Variants in THADA observed in about 807,000 individuals in gnomAD.
THADA encodes the protein THADA armadillo repeat containing.
A neutral mutation model predicts 219.8 loss-of-function variants in THADA; 213 were observed. The ratio of observed to expected loss-of-function variants is 0.97; its 90% CI spans 0.87 to 1.09. The LOEUF (loss-of-function observed/expected upper bound fraction) is 1.09, where lower values mean the gene tolerates loss of function less well. Ranked by LOEUF, THADA falls within the 50% of genes least tolerant of loss-of-function variation. The pLI is 0.00. For missense variants in THADA, 2,956 were observed against 2,311.3 expected, an observed-to-expected ratio of 1.28 and a Z score of -5.72; for synonymous variants, 1,018 against 828.9, an observed-to-expected ratio of 1.23 and a Z score of -3.92.
intron 9 of THADA, 141 bp downstream of exon 9, chr2:43,578,372 C>T: frequency 2.1e-6 from 1 of 480,736 alleles, no homozygotes; most frequent in Non-Finnish European, 3.8e-6. Flanking sequence ...ATCTCAAACT[C>T]CTGGCCTCAA....
At chr2:43,460,975 G>C (rs1213893175) in intron 26 of THADA, among the ~76,000 whole-genome samples, 1 of 152,222 alleles carries the variant, frequency 6.6e-6, no homozygotes, top group Non-Finnish European at 1.5e-5. Flanking sequence ...GAGGAGAAAA[G>C]TCAGTGGAGA....
At chr2:43,316,274 CA>C (rs561618365) in intron 31 of THADA, among the ~76,000 whole-genome samples, 1 of 152,180 alleles carries the variant, frequency 6.6e-6, no homozygotes, top group Non-Finnish European at 1.5e-5. Context: ...TCCTTTAATA[CA>C]GCATCTGAAA....
At chr2:43,299,355 A>C (rs1675975882) in intron 31 of THADA, among the ~76,000 whole-genome samples, 1 of 152,164 alleles carries the variant, frequency 6.6e-6, no homozygotes, top group South Asian at 2.1e-4. Context: ...GAACAAGTAC[A>C]CAATAATAAC....
chr2:43,298,464 A>G (rs1675854620), intron 31 of THADA, among the ~76,000 whole-genome samples: 1 of 136,238 alleles, frequency 7.3e-6, no homozygotes, highest in African/African-American at 2.9e-5. Context: ...ACACTGCGGA[A>G]GGCCGCAGGG....
At chr2:43,384,164 G>A (rs1672361920) in intron 29 of THADA, among the ~76,000 whole-genome samples, 1 of 152,150 alleles carries the variant, frequency 6.6e-6, no homozygotes, top group South Asian at 2.1e-4. Context: ...TAAAAATTTA[G>A]AGAAACAACA....
chr2:43,578,710 T>G, intron 8 of THADA, 103 bp from the exon 9 acceptor site: 3 of 647,298 alleles, frequency 4.6e-6, no homozygotes, highest in Non-Finnish European at 7.7e-6. Flanking sequence ...GTACAATTTC[T>G]AGTCTGACCA....
chr2:43,594,364 G>A (rs1208654745), intron 1 of THADA, among the ~76,000 whole-genome samples: 3 of 152,104 alleles, frequency 2.0e-5, no homozygotes, highest in African/African-American at 7.2e-5. Context: ...TGGATCTCCT[G>A]AAGTCAGGAG....
At chr2:43,480,073 G>T (rs913399492) in intron 26 of THADA, among the ~76,000 whole-genome samples, 3 of 152,186 alleles carry the variant, frequency 2.0e-5, no homozygotes, top group Non-Finnish European at 4.4e-5. Flanking sequence ...TGCCCATGAG[G>T]GAATCCGTTG....
At chr2:43,451,888 C>A (rs1682387189) in intron 26 of THADA, among the ~76,000 whole-genome samples, 1 of 152,184 alleles carries the variant, frequency 6.6e-6, no homozygotes, top group Admixed American at 6.5e-5. Context: ...AGGTCAATCA[C>A]CTGAGGTCAG....
At chr2:43,544,004 G>C (rs1695674046) in intron 20 of THADA, among the ~76,000 whole-genome samples, 2 of 152,044 alleles carry the variant, frequency 1.3e-5, no homozygotes, top group Non-Finnish European at 2.9e-5. Context: ...TATGGTTTTA[G>C]GTCTAAAGTT....
In THADA at chr2:43,410,031, A is replaced by T. The variant is rs185344370; in HGVS notation, c.4059-11892T>A. 8.7e-4 allele frequency among the ~76,000 whole-genome samples: 133 copies of T among 152,062 alleles called. No individual in the cohort carries two copies. In the East Asian group the frequency reaches 0.021, roughly 24 times the overall value. ...GATCTCATCTCTTAAAAAAAAAAAAAAAATAAGAGAGAGAAGAAAAGAAAG... is the reference window on the plus strand; with the variant it reads ...GATCTCATCTCTTAAAAAAAAAAAATAAATAAGAGAGAGAAGAAAAGAAAG... On this transcript the variant is annotated intron_variant, in intron 28 of 37. Transcript: ENST00000405975.
At chr2:43,430,153 C>T in intron 27 of THADA, 60 bp downstream of exon 27, 1 of 797,988 alleles carries the variant, frequency 1.3e-6, no homozygotes, top group Non-Finnish European at 1.9e-6. Flanking sequence ...GGGAAAATCT[C>T]AATTACTAAG....
intron 35 of THADA, among the ~76,000 whole-genome samples, chr2:43,282,851 A>G (rs1673525976): frequency 6.6e-6 from 1 of 152,248 alleles, no homozygotes; most frequent in Non-Finnish European, 1.5e-5. Flanking sequence ...CACACGGAGT[A>G]GCAGTGAGGA....
At position 43,498,945 on chromosome 2, in the gene THADA, A is replaced by G; in HGVS notation, c.3632T>C (p.Leu1211Ser). ...TCTGAACAATGCTCTAAGGATATTT[A>G]AAGCATGAACCTAAAACAAGAAGTT... Reference protein sequence around the residue: ...IQSTVPQVHALNILRALFRDT... With the variant: ...IQSTVPQVHASNILRALFRDT... Residue 1211 changes from leucine to serine, a missense_variant, in exon 25 of 38, where the codon TTA (leucine) becomes TCA (serine). Physicochemically the swap from Leu to Ser is moderately radical, Grantham distance 145. Transcript: ENST00000405975. 6.4e-7 allele frequency: 1 copy of G among 1,567,740 alleles called. No homozygotes were observed. The highest frequency in any genetic ancestry group is 8.7e-7 in the Non-Finnish European group (1 of 1,155,474).
rs146202525 is a variant in THADA at position 43,246,347 on chromosome 2, T to C, written c.5297-13465A>G. Reference sequence around the variant, plus strand: ...CTGTCTCTACTAAAAATATAAAAATTAGCCGGGCACGGTGGTGGGCGCCTG... The same window carrying C: ...CTGTCTCTACTAAAAATATAAAAATCAGCCGGGCACGGTGGTGGGCGCCTG... On this transcript the variant is annotated intron_variant, in intron 36 of 37. Transcript: ENST00000405975. Among the ~76,000 whole-genome samples the C allele has an allele frequency of 2.6e-5, 4 of 151,908 alleles. No individual in the cohort carries two copies. In the South Asian group the frequency reaches 8.3e-4, roughly 32 times the overall value.
At chr2:43,588,361 T>C (rs536411133) in intron 4 of THADA, among the ~76,000 whole-genome samples, 218 of 150,700 alleles carry the variant, frequency 1.4e-3, no homozygotes, top group Admixed American at 3.2e-3. Flanking sequence ...AGAAAGCACA[T>C]ATAGCAAGGT....
chr2:43,317,733 G>C (rs751276008), intron 31 of THADA, among the ~76,000 whole-genome samples: 1 of 152,258 alleles, frequency 6.6e-6, no homozygotes, highest in Admixed American at 6.5e-5. Context: ...TTGTGTGGAT[G>C]TATTATATGA....
At chr2:43,359,172 CTTA>C (rs1426937058) in intron 29 of THADA, among the ~76,000 whole-genome samples, 1 of 152,170 alleles carries the variant, frequency 6.6e-6, no homozygotes, top group African/African-American at 2.4e-5. Flanking sequence ...CTCTGTAGCC[CTTA>C]TTGATAACTA....
Position 43,320,451 on chromosome 2 carries a change from T to C in THADA, c.4433A>G (p.Gln1478Arg). The C allele has an allele frequency of 6.2e-7, 1 of 1,611,178 alleles. No individual in the cohort carries two copies. The highest frequency in any genetic ancestry group is 1.3e-5 in the African/African-American group (1 of 74,978). The stretch of plus-strand genomic sequence containing the variant: ...AGTATAACTATGAATCATACCTGGC[T>C]GGTTGTCCTTTGCAGATCTGTTGAG... ...CCLNRSAKDN[Q>R]PVLESLGFWE... Residue 1478 changes from glutamine (Q) to arginine (R), a missense_variant, in exon 31 of 38, where the codon CAG (glutamine) becomes CGG (arginine). Coordinates refer to ENST00000405975, the MANE Select transcript of THADA (RefSeq NM_022065.5).
Sources: gnomAD v4.1 joint callset for allele counts (sites outside exome capture counted in the v4.1 genomes callset) on GRCh38, gnomAD v4.1.1 for gene constraint, MANE v1.5 for transcripts, NCBI Gene and HGNC (gene_info 2026-07-23, HGNC 2026-07-21) for gene names.